Variants in DOCK3 observed in about 807,000 individuals in gnomAD.
DOCK3 encodes dedicator of cytokinesis 3.
Under a neutral mutation model 265.6 loss-of-function variants are expected in DOCK3, and 60 were observed. The ratio of observed to expected loss-of-function variants is 0.23; its 90% CI spans 0.18 to 0.28. The LOEUF is 0.28. Among genes scored for constraint, DOCK3 ranks in the 10% least tolerant of loss-of-function variants. The pLI, the probability that DOCK3 is intolerant of heterozygous loss-of-function variation, is 1.00. For missense variants in DOCK3, 1,981 were observed against 2,594.3 expected (o/e 0.76, Z 5.14); for synonymous variants, 881 against 938.0 (o/e 0.94, Z 1.11).
chr3:51,135,477 C>A (rs2107054331), intron 9 of DOCK3, among the ~76,000 whole-genome samples: 1 of 152,312 alleles, frequency 6.6e-6, no homozygotes, highest in East Asian at 1.9e-4. Context: ...TTCAAACTTG[C>A]TAGCCCTAAT....
chr3:50,693,614 C>A (rs1429489698), intron 1 of DOCK3, among the ~76,000 whole-genome samples: 3 of 141,156 alleles, frequency 2.1e-5, no homozygotes, highest in Non-Finnish European at 3.0e-5. Flanking sequence ...CGGCTCACTG[C>A]AACCTCTACC....
intron 5 of DOCK3, among the ~76,000 whole-genome samples, chr3:51,025,029 CAA>C (rs2079754359): frequency 6.6e-6 from 1 of 152,106 alleles, no homozygotes; most frequent in Non-Finnish European, 1.5e-5. Flanking sequence ...GTGTTGCTTT[CAA>C]AAGAGCACCA....
intron 21 of DOCK3, among the ~76,000 whole-genome samples, chr3:51,245,907 C>T (rs920084285): frequency 3.9e-5 from 6 of 152,030 alleles, no homozygotes; most frequent in African/African-American, 1.2e-4. Context: ...AAGAACGTGA[C>T]ACAGGGGATT....
At chr3:50,740,903 A>C in intron 1 of DOCK3, among the ~76,000 whole-genome samples, 1 of 152,138 alleles carries the variant, frequency 6.6e-6, no homozygotes, top group African/African-American at 2.4e-5. Flanking sequence ...GTATATTCAC[A>C]GTGTGTAGCC....
intron 5 of DOCK3, among the ~76,000 whole-genome samples, chr3:51,048,319 G>C (rs1260683060): frequency 6.6e-6 from 1 of 152,076 alleles, no homozygotes; most frequent in Admixed American, 6.6e-5. Context: ...CTAAGATTAG[G>C]AATAAGATAA....
chr3:51,007,690 T>C (rs1230130673), intron 5 of DOCK3, among the ~76,000 whole-genome samples: 1 of 152,154 alleles, frequency 6.6e-6, no homozygotes, highest in East Asian at 1.9e-4. Context: ...CATGAAGTCC[T>C]TGCCCATGCC....
intron 4 of DOCK3, among the ~76,000 whole-genome samples, chr3:50,931,279 C>T (rs2051053568): frequency 6.6e-6 from 1 of 152,248 alleles, no homozygotes; most frequent in Admixed American, 6.5e-5. Context: ...CTAGGAACTT[C>T]ACTTTCTTCA....
At chr3:50,888,145 A>G (rs1216956656) in intron 3 of DOCK3, among the ~76,000 whole-genome samples, 1 of 152,150 alleles carries the variant, frequency 6.6e-6, no homozygotes, top group African/African-American at 2.4e-5. Flanking sequence ...TTAAGCTGAT[A>G]AGCAACTTCA....
intron 32 of DOCK3, among the ~76,000 whole-genome samples, chr3:51,322,988 G>A (rs534646698): frequency 6.6e-5 from 10 of 151,196 alleles, no homozygotes; most frequent in East Asian, 3.9e-4. Flanking sequence ...AAAAAAGCAG[G>A]GGTTGCAATC....
intron 6 of DOCK3, 76 bp downstream of exon 6, chr3:51,064,672 C>A (rs2081530373): frequency 1.3e-6 from 2 of 1,519,890 alleles, no homozygotes; most frequent in Non-Finnish European, 1.8e-6. Flanking sequence ...TGCACCTATA[C>A]AAAGCTTCTC....
intron 2 of DOCK3, among the ~76,000 whole-genome samples, chr3:50,840,432 A>G (rs2045767107): frequency 6.6e-6 from 1 of 152,216 alleles, no homozygotes; most frequent in African/African-American, 2.4e-5. Flanking sequence ...TTCTTTGCAT[A>G]TGGATGTCCA....
intron 9 of DOCK3, among the ~76,000 whole-genome samples, chr3:51,108,574 T>C (rs2109810119): frequency 6.6e-6 from 1 of 152,244 alleles, no homozygotes; most frequent in East Asian, 1.9e-4. Context: ...AATGCCCCAA[T>C]TAAAAGGCAC....
At chr3:50,991,120 AGAAAG>A (rs1340065441) in intron 5 of DOCK3, among the ~76,000 whole-genome samples, 2 of 152,228 alleles carry the variant, frequency 1.3e-5, no homozygotes, top group Non-Finnish European at 2.9e-5. Flanking sequence ...CACTAAATGT[AGAAAG>A]GAAAGACTGC....
At chr3:51,068,525 G>A (rs2081705607) in intron 6 of DOCK3, among the ~76,000 whole-genome samples, 2 of 121,812 alleles carry the variant, frequency 1.6e-5, no homozygotes, top group African/African-American at 6.3e-5. Flanking sequence ...GGGCGACAGA[G>A]CGAGACTCCG....
chr3:51,210,763 G>T (rs2089456929), intron 13 of DOCK3, among the ~76,000 whole-genome samples: 1 of 152,154 alleles, frequency 6.6e-6, no homozygotes. Context: ...ACCCATCTTT[G>T]TTAGATATTG....
At chr3:51,134,302 G>C (rs1576193678) in intron 9 of DOCK3, among the ~76,000 whole-genome samples, 2 of 152,156 alleles carry the variant, frequency 1.3e-5, no homozygotes, top group Admixed American at 6.5e-5. Context: ...ACCCAGCAAT[G>C]GATTGCTGGG....
chr3:51,086,527 G>T (rs2082435393), intron 7 of DOCK3, among the ~76,000 whole-genome samples: 1 of 152,348 alleles, frequency 6.6e-6, no homozygotes, highest in East Asian at 1.9e-4. Context: ...AGCCAGCATG[G>T]TGGCTCACTC....
chr3:51,274,975 A>AG (rs1181429949), intron 24 of DOCK3, 104 bp from the exon 25 acceptor site: 7 of 1,454,872 alleles, frequency 4.8e-6, no homozygotes, highest in Non-Finnish European at 6.7e-6. Context: ...TCTAGTCTGA[A>AG]CCCCACCTGC....
intron 1 of DOCK3, among the ~76,000 whole-genome samples, chr3:50,709,600 C>T (rs2036627761): frequency 6.6e-6 from 1 of 151,920 alleles, no homozygotes; most frequent in African/African-American, 2.4e-5. Context: ...CCGAGGTGGG[C>T]CTATCACGTA....
Sources: gnomAD v4.1 joint callset for allele counts (sites outside exome capture counted in the v4.1 genomes callset) on GRCh38, gnomAD v4.1.1 for gene constraint, MANE v1.5 for transcripts, NCBI Gene and HGNC (gene_info 2026-07-23, HGNC 2026-07-21) for gene names.